The following BBS9 variants were observed in gnomAD, a reference collection of about 807,000 sequenced individuals.
BBS9 encodes the protein protein PTHB1.
Under a neutral mutation model 117.7 loss-of-function variants are expected in BBS9, and 89 were observed. That is an observed-to-expected ratio of 0.76 (90% CI 0.64 to 0.90). BBS9 has a LOEUF of 0.90. Among genes scored for constraint, BBS9 ranks in the 40% least tolerant of loss-of-function variants. BBS9 has a pLI of 0.00. For synonymous variants in BBS9, 379 were observed against 370.9 expected (o/e 1.02, Z -0.25); for missense variants, 982 against 1,042.2 (o/e 0.94, Z 0.80).
intron 20 of BBS9, among the ~76,000 whole-genome samples, chr7:33,518,916 C>T (rs1563292000): frequency 6.6e-6 from 1 of 151,998 alleles, no homozygotes. Flanking sequence ...TTTTTTTCTC[C>T]AGACTTGATT....
At chr7:33,357,807 A>G (rs771192726) in intron 15 of BBS9, 48 bp from the exon 16 acceptor site, 1 of 1,589,176 alleles carries the variant, frequency 6.3e-7, no homozygotes, top group South Asian at 1.1e-5. Flanking sequence ...TTTTTTTGCC[A>G]AATTATTTGT....
intron 21 of BBS9, among the ~76,000 whole-genome samples, chr7:33,577,091 G>T (rs906061144): frequency 6.6e-6 from 1 of 152,090 alleles, no homozygotes; most frequent in Non-Finnish European, 1.5e-5. Flanking sequence ...CACAGCAAAA[G>T]AAGTTACCAT....
intron 16 of BBS9, among the ~76,000 whole-genome samples, chr7:33,366,534 C>CT (rs1821762097): frequency 1.6e-5 from 2 of 125,132 alleles, no homozygotes; most frequent in African/African-American, 3.0e-5. Flanking sequence ...TTTTTTTTTT[C>CT]TTTTCTTTCT....
intron 20 of BBS9, chr7:33,505,857 T>C (rs1162124763): frequency 1.8e-6 from 1 of 570,236 alleles, no homozygotes; most frequent in Non-Finnish European, 3.1e-6. Context: ...ATATAGTCAA[T>C]TTTTATGTGG....
In BBS9 at chr7:33,383,688, A is replaced by G. The variant is rs2128748568; in HGVS notation, c.1812A>G (p.Glu604=). The part of the protein sequence containing the change: ...KTSQRYRIQS[E]QFEDLWLITN... ...CAGAACGATATCGCATTCAGAGTGA[A>G]CAATTTGAAGATCTTTGGCTCATAA... The change falls in exon 18 of 23, where the codon GAA becomes GAG. Residue 604 remains glutamate (E), a synonymous_variant. Coordinates refer to ENST00000242067, the MANE Select transcript of BBS9 (RefSeq NM_198428.3). 1 of 1,609,178 alleles carries G rather than the reference A, an allele frequency of 6.2e-7. No homozygotes were observed. Among genetic ancestry groups the G allele is most frequent in the South Asian group, 1.1e-5 (1 of 90,360 alleles).
At chr7:33,244,133 G>T (rs1320361623) in intron 5 of BBS9, among the ~76,000 whole-genome samples, 1 of 152,168 alleles carries the variant, frequency 6.6e-6, no homozygotes, top group Non-Finnish European at 1.5e-5. Flanking sequence ...AGGAGGCTGA[G>T]GCAGGAGAAT....
intron 19 of BBS9, among the ~76,000 whole-genome samples, chr7:33,438,871 A>G (rs1835702088): frequency 6.6e-6 from 1 of 152,250 alleles, no homozygotes. Flanking sequence ...CTCTTCTTCC[A>G]TTGGAACAGT....
intron 19 of BBS9, among the ~76,000 whole-genome samples, chr7:33,442,991 TG>T (rs77950560): frequency 0.043 from 6,564 of 152,262 alleles, 192 homozygotes; most frequent in East Asian, 0.14. Flanking sequence ...GAAAAGTTAA[TG>T]GACTTGGTTT....
chr7:33,525,983 T>A (rs376264382), intron 20 of BBS9, among the ~76,000 whole-genome samples: 1 of 150,796 alleles, frequency 6.6e-6, no homozygotes, highest in Admixed American at 6.6e-5. Context: ...GTCTGTAAAG[T>A]ATTTTATTTC....
rs200411783 is a variant in BBS9 at position 33,383,703 on chromosome 7, T to C, written c.1827T>C (p.Leu609=). Residue 609 remains leucine (L), a synonymous_variant, in exon 18 of 23, where the codon CTT becomes CTC. Transcript: ENST00000242067. ...YRIQSEQFED[L]WLITNELILR... ...TTCAGAGTGAACAATTTGAAGATCT[T>C]TGGCTCATAACCAATGAGCTTATTC... 1.2e-6 allele frequency: 2 copies of C among 1,610,640 alleles called. No homozygotes were observed. The highest frequency in any genetic ancestry group is 1.3e-5 in the African/African-American group (1 of 75,040).
At chr7:33,486,146 C>T (rs1420662379) in intron 19 of BBS9, among the ~76,000 whole-genome samples, 1 of 152,212 alleles carries the variant, frequency 6.6e-6, no homozygotes, top group African/African-American at 2.4e-5. Context: ...AGAGTTGAGT[C>T]TAAGGCACAG....
chr7:33,226,269 G>A (rs985651755), intron 5 of BBS9, among the ~76,000 whole-genome samples: 4 of 152,084 alleles, frequency 2.6e-5, no homozygotes, highest in African/African-American at 9.7e-5. Flanking sequence ...TAACATTGGA[G>A]ATGATTTTTA....
At chr7:33,597,040 T>G (rs552085652) in intron 21 of BBS9, among the ~76,000 whole-genome samples, 1 of 150,390 alleles carries the variant, frequency 6.6e-6, no homozygotes, top group South Asian at 2.1e-4. Context: ...TGTGCATATA[T>G]ATGAATCATC....
At chr7:33,300,389 C>T (rs536709334) in intron 9 of BBS9, among the ~76,000 whole-genome samples, 1 of 152,286 alleles carries the variant, frequency 6.6e-6, no homozygotes, top group South Asian at 2.1e-4. Flanking sequence ...ATATCCAGTT[C>T]ACAGATGCTG....
At chr7:33,356,445 G>A (rs1222408639) in intron 15 of BBS9, among the ~76,000 whole-genome samples, 1 of 151,656 alleles carries the variant, frequency 6.6e-6, no homozygotes, top group Non-Finnish European at 1.5e-5. Flanking sequence ...ATAATACCCT[G>A]GGACTTTTCT....
At chr7:33,393,166 AAAACAAACAAACAAAC>A (rs752090932) in intron 19 of BBS9, among the ~76,000 whole-genome samples, 1 of 152,130 alleles carries the variant, frequency 6.6e-6, no homozygotes, top group Non-Finnish European at 1.5e-5. Flanking sequence ...ACCCTGTCTC[AAAACAAACAAACAAAC>A]AAACAAACAA....
At chr7:33,352,965 T>A in intron 15 of BBS9, 92 bp downstream of exon 15, 1 of 1,327,702 alleles carries the variant, frequency 7.5e-7, no homozygotes, top group South Asian at 1.2e-5. Context: ...ACTCTTTTTA[T>A]GGACTGCTCT....
chr7:33,199,379 T>C (rs1422764770), intron 5 of BBS9, among the ~76,000 whole-genome samples: 1 of 151,974 alleles, frequency 6.6e-6, no homozygotes, highest in African/African-American at 2.4e-5. Flanking sequence ...GCCTGAAACA[T>C]ATTTCCTGTA....
intron 21 of BBS9, among the ~76,000 whole-genome samples, chr7:33,535,838 A>G (rs915586618): frequency 1.3e-5 from 2 of 152,116 alleles, no homozygotes; most frequent in Admixed American, 1.3e-4. Flanking sequence ...GAGGGATGGG[A>G]TGGCCCATCT....
Sources: gnomAD v4.1 joint callset for allele counts (sites outside exome capture counted in the v4.1 genomes callset) on GRCh38, gnomAD v4.1.1 for gene constraint, MANE v1.5 for transcripts, NCBI Gene and HGNC (gene_info 2026-07-23, HGNC 2026-07-21) for gene names.